LYPLAL1: variants seen among roughly 807,000 people sequenced by gnomAD.
LYPLAL1 encodes lysophospholipase-like protein 1.
Under a neutral mutation model 19.7 loss-of-function variants are expected in LYPLAL1, and 23 were observed. The observed-to-expected ratio is 1.17, with a 90% CI of 0.84 to 1.65. The LOEUF is 1.65. Among genes scored for constraint, LYPLAL1 ranks in the 40% most tolerant of loss-of-function variants. The pLI is 0.00. For missense variants in LYPLAL1, 355 were observed against 279.4 expected, an observed-to-expected ratio of 1.27 and a Z score of -1.93; for synonymous variants, 119 against 96.3, an observed-to-expected ratio of 1.24 and a Z score of -1.38.
chr1:219,371,097 A>G, the LYPLAL1 span, among the ~76,000 whole-genome samples: 1 of 152,152 alleles, frequency 6.6e-6, no homozygotes, highest in East Asian at 1.9e-4. Context: ...ACTGCTTACA[A>G]CCAAAACACC....
At chr1:219,231,640 ACTAAAG>A in the LYPLAL1 span, among the ~76,000 whole-genome samples, 1 of 152,172 alleles carries the variant, frequency 6.6e-6, no homozygotes, top group East Asian at 1.9e-4. Context: ...TAACAACAAC[ACTAAAG>A]CTAGAAAATA....
At chr1:219,283,966 T>C in the LYPLAL1 span, among the ~76,000 whole-genome samples, 1 of 152,140 alleles carries the variant, frequency 6.6e-6, no homozygotes, top group African/African-American at 2.4e-5. Context: ...CCCACCCAAA[T>C]CTCATCTCAA....
At chr1:219,257,353 G>GTT in the LYPLAL1 span, among the ~76,000 whole-genome samples, 5,667 of 131,956 alleles carry the variant, frequency 0.043, 242 homozygotes, top group Non-Finnish European at 0.06. Flanking sequence ...ATCCATACCA[G>GTT]TTTTTGTTTT....
At chr1:219,293,322 C>T in the LYPLAL1 span, among the ~76,000 whole-genome samples, 1 of 151,832 alleles carries the variant, frequency 6.6e-6, no homozygotes, top group Non-Finnish European at 1.5e-5. Context: ...TAGGGTATTT[C>T]CCCCCAAAAA....
chr1:219,433,669 C>T, the LYPLAL1 span, among the ~76,000 whole-genome samples: 1 of 152,212 alleles, frequency 6.6e-6, no homozygotes, highest in Non-Finnish European at 1.5e-5. Flanking sequence ...CAAACAAGCA[C>T]AGTCATGAAC....
At chr1:219,420,847 G>A in the LYPLAL1 span, among the ~76,000 whole-genome samples, 1 of 151,736 alleles carries the variant, frequency 6.6e-6, no homozygotes, top group Non-Finnish European at 1.5e-5. Context: ...TAAGCTTCAG[G>A]GATTACTTTT....
At chr1:219,227,677 T>C in the LYPLAL1 span, among the ~76,000 whole-genome samples, 1 of 152,192 alleles carries the variant, frequency 6.6e-6, no homozygotes, top group Non-Finnish European at 1.5e-5. Flanking sequence ...AAATGACATT[T>C]AAAAAATTTA....
the LYPLAL1 span, among the ~76,000 whole-genome samples, chr1:219,372,995 A>T: frequency 6.6e-6 from 1 of 152,238 alleles, no homozygotes; most frequent in Non-Finnish European, 1.5e-5. Context: ...AGAATTTGTA[A>T]GCAGTGCCCC....
chr1:219,231,869 T>C, the LYPLAL1 span, among the ~76,000 whole-genome samples: 1 of 152,202 alleles, frequency 6.6e-6, no homozygotes, highest in Non-Finnish European at 1.5e-5. Flanking sequence ...ACTACCAATA[T>C]GTATATGTAA....
the LYPLAL1 span, among the ~76,000 whole-genome samples, chr1:219,348,436 G>T: frequency 6.6e-6 from 1 of 152,342 alleles, no homozygotes; most frequent in African/African-American, 2.4e-5. Context: ...GCCTCTGCAG[G>T]TCATTCTGTG....
intron 3 of LYPLAL1, among the ~76,000 whole-genome samples, chr1:219,201,876 C>T (rs150490197): frequency 1.3e-5 from 2 of 152,116 alleles, no homozygotes; most frequent in African/African-American, 2.4e-5. Context: ...TCTTCACATA[C>T]GTTAGTTATT....
chr1:219,174,019 G>T (rs1189799013), intron 1 of LYPLAL1, 38 bp downstream of exon 1: 1 of 1,613,054 alleles, frequency 6.2e-7, no homozygotes, highest in Non-Finnish European at 8.5e-7. Flanking sequence ...TCTACAGCTC[G>T]GGAAACATCC....
chr1:219,442,908 A>G, the LYPLAL1 span, among the ~76,000 whole-genome samples: 3 of 152,290 alleles, frequency 2.0e-5, no homozygotes, highest in East Asian at 5.8e-4. Flanking sequence ...TGAGCAATCT[A>G]TAGGTCAGAT....
the LYPLAL1 span, among the ~76,000 whole-genome samples, chr1:219,418,791 G>C: frequency 6.6e-6 from 1 of 152,110 alleles, no homozygotes; most frequent in South Asian, 2.1e-4. Context: ...TATGTGCTCT[G>C]CCTGTTCATT....
At chr1:219,377,397 T>G in the LYPLAL1 span, among the ~76,000 whole-genome samples, 8 of 152,310 alleles carry the variant, frequency 5.3e-5, no homozygotes, top group African/African-American at 1.7e-4. Context: ...GATAAAAATC[T>G]TCTGGAGTTG....
At chr1:219,324,462 G>A in the LYPLAL1 span, among the ~76,000 whole-genome samples, 16 of 152,068 alleles carry the variant, frequency 1.1e-4, no homozygotes, top group Admixed American at 3.9e-4. Flanking sequence ...GTAGTGACTC[G>A]GCCCCTCTCT....
the LYPLAL1 span, among the ~76,000 whole-genome samples, chr1:219,431,540 C>T: frequency 5.3e-5 from 8 of 152,186 alleles, no homozygotes; most frequent in South Asian, 8.3e-4. Flanking sequence ...ATGAAGGTGA[C>T]GGTGTGGCTC....
chr1:219,206,609 A>G (rs1392173694), intron 3 of LYPLAL1, among the ~76,000 whole-genome samples: 2 of 152,082 alleles, frequency 1.3e-5, no homozygotes, highest in African/African-American at 4.8e-5. Context: ...TTCAATGAGT[A>G]TATTTTTCTT....
the LYPLAL1 span, among the ~76,000 whole-genome samples, chr1:219,350,736 G>A: frequency 2.6e-5 from 4 of 152,198 alleles, no homozygotes; most frequent in Admixed American, 2.6e-4. Context: ...TTTCTAAGTA[G>A]CATGCACTTA....
Sources: gnomAD v4.1 joint callset for allele counts (sites outside exome capture counted in the v4.1 genomes callset) on GRCh38, gnomAD v4.1.1 for gene constraint, MANE v1.5 for transcripts, NCBI Gene and HGNC (gene_info 2026-07-23, HGNC 2026-07-21) for gene names.